PAK1: variants seen among roughly 807,000 people sequenced by gnomAD.
PAK1 encodes the protein serine/threonine-protein kinase PAK 1.
Under a neutral mutation model 67.4 loss-of-function variants are expected in PAK1, and 29 were observed. The ratio of observed to expected loss-of-function variants is 0.43; its 90% CI spans 0.32 to 0.59. The LOEUF (loss-of-function observed/expected upper bound fraction) is 0.59, where lower values mean the gene tolerates loss of function less well. PAK1 is among the 20% of genes least tolerant of loss of function. The probability of loss-of-function intolerance (pLI) is 0.07; values close to 1 mark genes in which losing one functional copy is unlikely to be tolerated. For missense variants in PAK1, 337 were observed against 670.7 expected, an observed-to-expected ratio of 0.50 and a Z score of 5.50; for synonymous variants, 223 against 237.4, an observed-to-expected ratio of 0.94 and a Z score of 0.56.
At chr11:77,403,535 T>A (rs1206002300) in intron 1 of PAK1, among the ~76,000 whole-genome samples, 1 of 152,198 alleles carries the variant, frequency 6.6e-6, no homozygotes, top group Non-Finnish European at 1.5e-5. Context: ...CAATTTGAGC[T>A]CCAATAAACT....
chr11:77,325,408 CAG>C, intron 14 of PAK1: 8 of 1,609,070 alleles, frequency 5.0e-6, no homozygotes, highest in Non-Finnish European at 6.8e-6. Context: ...CTATGACTCA[CAG>C]AGTTGTTGTA....
the PAK1 span, among the ~76,000 whole-genome samples, chr11:77,520,018 G>A: frequency 6.4e-5 from 8 of 124,526 alleles, no homozygotes; most frequent in South Asian, 6.6e-4. Context: ...CCCTCCGCCC[G>A]TGGCTCCACC....
At chr11:77,346,542 G>A (rs111409911) in intron 9 of PAK1, among the ~76,000 whole-genome samples, 5 of 152,158 alleles carry the variant, frequency 3.3e-5, no homozygotes, top group African/African-American at 1.2e-4. Context: ...GTGAGACAAT[G>A]GCCAATGCAT....
intron 13 of PAK1, among the ~76,000 whole-genome samples, chr11:77,334,410 A>G (rs1942303019): frequency 6.6e-6 from 1 of 152,170 alleles, no homozygotes; most frequent in Admixed American, 6.5e-5. Flanking sequence ...AGAGATATTC[A>G]AGGATGACAT....
At chr11:77,433,733 C>T (rs1417834219) in intron 1 of PAK1, among the ~76,000 whole-genome samples, 1 of 152,122 alleles carries the variant, frequency 6.6e-6, no homozygotes. Flanking sequence ...GAGTCAAGAT[C>T]GCACCACTGC....
upstream of PAK1, chr11:77,476,874 C>G (rs1004285415): frequency 6.6e-6 from 1 of 152,126 alleles, no homozygotes; most frequent in African/African-American, 2.4e-5. Context: ...ATCCCAGCTA[C>G]TCGGGAGCTG....
intron 1 of PAK1, among the ~76,000 whole-genome samples, chr11:77,437,837 T>A (rs1192926502): frequency 6.6e-6 from 1 of 152,212 alleles, no homozygotes; most frequent in Non-Finnish European, 1.5e-5. Context: ...TAGGTATAAA[T>A]GTTTTCGATA....
At chr11:77,490,441 C>G in the PAK1 span, among the ~76,000 whole-genome samples, 2 of 142,044 alleles carry the variant, frequency 1.4e-5, no homozygotes, top group African/African-American at 5.8e-5. Flanking sequence ...CCAGCCGCCC[C>G]GTCTGGGAGG....
intron 7 of PAK1, among the ~76,000 whole-genome samples, 183 bp downstream of exon 7, chr11:77,355,485 A>G (rs1276384865): frequency 1.3e-5 from 2 of 152,138 alleles, no homozygotes; most frequent in Admixed American, 6.6e-5. Context: ...ATCCTAACAT[A>G]GTATCCAACC....
chr11:77,426,841 TAAAAAA>T (rs66931592), intron 1 of PAK1, among the ~76,000 whole-genome samples: 2 of 128,216 alleles, frequency 1.6e-5, no homozygotes, highest in Non-Finnish European at 3.3e-5. Context: ...GAGCAATCTT[TAAAAAA>T]AAAAAAAAAA....
intron 5 of PAK1, among the ~76,000 whole-genome samples, chr11:77,362,788 T>C (rs1402077960): frequency 6.6e-6 from 1 of 151,680 alleles, no homozygotes; most frequent in African/African-American, 2.4e-5. Context: ...TATCCAATAG[T>C]AGTATAAACT....
At chr11:77,325,370 T>G (rs377325525) in intron 14 of PAK1, 1 of 1,613,590 alleles carries the variant, frequency 6.2e-7, no homozygotes. Context: ...AACCTCAGTT[T>G]TCTCACCTGT....
chr11:77,336,811 T>C (rs1454090534), intron 12 of PAK1, among the ~76,000 whole-genome samples: 1 of 152,114 alleles, frequency 6.6e-6, no homozygotes, highest in Non-Finnish European at 1.5e-5. Context: ...TTTACACCTT[T>C]GAACAAAATG....
At chr11:77,487,104 A>G in the PAK1 span, among the ~76,000 whole-genome samples, 3 of 152,206 alleles carry the variant, frequency 2.0e-5, no homozygotes, top group African/African-American at 7.2e-5. Flanking sequence ...CAACTTAGAT[A>G]CTTGCTCAGC....
chr11:77,522,805 G>T, the PAK1 span, among the ~76,000 whole-genome samples: 12 of 152,060 alleles, frequency 7.9e-5, no homozygotes, highest in Admixed American at 5.2e-4. Flanking sequence ...CAATAGCAAA[G>T]ACATGAAATC....
chr11:77,392,562 A>T, intron 1 of PAK1, 21 bp from the exon 2 acceptor site: 1 of 1,507,900 alleles, frequency 6.6e-7, no homozygotes, highest in East Asian at 2.3e-5. Context: ...AAATAAGAAC[A>T]ATATAACTCT....
the PAK1 span, among the ~76,000 whole-genome samples, chr11:77,492,414 G>A: frequency 3.9e-4 from 59 of 151,432 alleles, 1 homozygote; most frequent in East Asian, 0.011. Flanking sequence ...ATAAATCACA[G>A]TACAATATGT....
At chr11:77,419,456 A>C (rs1955142578) in intron 1 of PAK1, among the ~76,000 whole-genome samples, 1 of 152,190 alleles carries the variant, frequency 6.6e-6, no homozygotes, top group Non-Finnish European at 1.5e-5. Flanking sequence ...GGCCTTTTTA[A>C]GTCACTTATC....
chr11:77,379,545 T>C (rs1211416114), intron 3 of PAK1, 157 bp from the exon 4 acceptor site: 1 of 649,148 alleles, frequency 1.5e-6, no homozygotes, highest in Non-Finnish European at 2.6e-6. Context: ...GCCTCTTTTA[T>C]AATATCTTTC....
Sources: gnomAD v4.1 joint callset for allele counts (sites outside exome capture counted in the v4.1 genomes callset) on GRCh38, gnomAD v4.1.1 for gene constraint, MANE v1.5 for transcripts, NCBI Gene and HGNC (gene_info 2026-07-23, HGNC 2026-07-21) for gene names.